Variants in CCR7 observed in about 807,000 individuals in gnomAD.
CCR7 encodes C-C motif chemokine receptor 7.
CCR7 carries 11 observed loss-of-function variants against 26.0 expected under a neutral mutation model. That is an observed-to-expected ratio of 0.42 (90% CI 0.27 to 0.70). The LOEUF (loss-of-function observed/expected upper bound fraction) is 0.70. Ranked by LOEUF, CCR7 falls within the 30% of genes least tolerant of loss-of-function variation. CCR7 has a pLI of 0.23. For missense variants in CCR7, 360 were observed against 504.0 expected (o/e 0.71, Z 2.74); for synonymous variants, 189 against 202.1 (o/e 0.94, Z 0.55).
At chr17:40,559,753 AAATACATGAATGATG>A (rs1474838195) in intron 1 of CCR7, among the ~76,000 whole-genome samples, 1 of 152,212 alleles carries the variant, frequency 6.6e-6, no homozygotes, top group Non-Finnish European at 1.5e-5. Flanking sequence ...TATGAATGAT[AAATACATGAATGATG>A]AATAAATACA....
Position 40,554,808 on chromosome 17 carries a change from G to A in CCR7, c.1071C>T (p.Ser357=), listed in dbSNP as rs778527213. 3.1e-6 allele frequency: 5 copies of A among 1,614,078 alleles called. No individual in the cohort carries two copies. In the South Asian group the frequency reaches 5.5e-5, roughly 18 times the overall value. ...TGGAGGAGCGCCGGATGTGCCGACA[G>A]GAAGACCACTGCCGGAGCTGCTCCT... ...LSQEQLRQWS[S]CRHIRRSSMS... The change falls in exon 3 of 3, where the codon TCC becomes TCT. Residue 357 remains serine, a synonymous_variant. Transcript: ENST00000246657.
At chr17:40,559,508 A>T (rs1214127302) in intron 1 of CCR7, among the ~76,000 whole-genome samples, 2 of 152,138 alleles carry the variant, frequency 1.3e-5, no homozygotes, top group Non-Finnish European at 2.9e-5. Flanking sequence ...AAGGAGGATG[A>T]CCTCACAGGC....
At chr17:40,559,909 T>C (rs902976589) in intron 1 of CCR7, among the ~76,000 whole-genome samples, 2 of 152,052 alleles carry the variant, frequency 1.3e-5, no homozygotes, top group African/African-American at 4.8e-5. Flanking sequence ...TGTCACGACT[T>C]CTTTATTTTT....
Position 40,554,423 on chromosome 17 carries a change from C to G in CCR7, c.*319G>C. Reference sequence around the variant, plus strand: ...TCCCACGCCCCTTGCACTCACCCTCCTTGGCCCCTTCACTCCAGCAGGTGG... The same window carrying G: ...TCCCACGCCCCTTGCACTCACCCTCGTTGGCCCCTTCACTCCAGCAGGTGG... On this transcript the variant is annotated 3_prime_UTR_variant, in exon 3 of 3. Coordinates refer to ENST00000246657, the MANE Select transcript of CCR7 (RefSeq NM_001838.4). 3.0e-6 allele frequency: 1 copy of G among 331,820 alleles called. No homozygotes were observed. Among genetic ancestry groups the G allele is most frequent in the Non-Finnish European group, 5.6e-6 (1 of 179,560 alleles). 20.6% of individuals were successfully genotyped at this position (331,820 alleles called of 1,614,324 possible). A position where few individuals can be genotyped will look rare whatever the true frequency, so the allele number is the denominator to read the frequency against.
chr17:40,558,112 C>T (rs1055353580), intron 2 of CCR7, among the ~76,000 whole-genome samples: 3 of 152,224 alleles, frequency 2.0e-5, no homozygotes, highest in Non-Finnish European at 2.9e-5. Context: ...GGGGATGAGC[C>T]GAATTCTGAA....
At position 40,555,273 on chromosome 17, in the gene CCR7, G is replaced by C; in HGVS notation, c.606C>G (p.Ser202Arg). The C allele has an allele frequency of 6.2e-7, 1 of 1,614,182 alleles. No individual in the cohort carries two copies. Among genetic ancestry groups the C allele is most frequent in the Non-Finnish European group, 8.5e-7 (1 of 1,180,030 alleles). Residue 202 changes from serine (S) to arginine (R), a missense_variant, in exon 3 of 3, where the codon AGC becomes AGG. Physicochemically the swap from Ser to Arg is moderately radical, Grantham distance 110 (BLOSUM62 -1). Transcript: ENST00000246657. This position sits in a 1 kb window ranked among gnomAD's most constrained non-coding sequence, Gnocchi z 5.6. ...AGCATCGCATCGCTTGCTCACTGCTGCTCCTCTGGAGGTCACTGTACAGGA... is the reference window on the plus strand; with the variant it reads ...AGCATCGCATCGCTTGCTCACTGCTCCTCCTCTGGAGGTCACTGTACAGGA... ...PELLYSDLQR[S>R]SSEQAMRCSL...
In CCR7 at chr17:40,554,852, C is replaced by G. The variant is rs774431889; in HGVS notation, c.1027G>C (p.Asp343His). 6.2e-7 allele frequency: 1 copy of G among 1,614,180 alleles called. No individual in the cohort carries two copies. Among genetic ancestry groups the G allele is most frequent in the Non-Finnish European group, 8.5e-7 (1 of 1,180,044 alleles). ...TGCTCCTGGCTGAGGCAGCCCAGGT[C>G]CTTGAAGAGCTTGAAGAGATCGTTG... ...FRNDLFKLFK[D>H]LGCLSQEQLR... Residue 343 changes from aspartate (D) to histidine (H), a missense_variant, in exon 3 of 3, where the codon GAC becomes CAC. Transcript: ENST00000246657.
chr17:40,557,314 T>C (rs2036599807), intron 2 of CCR7, among the ~76,000 whole-genome samples: 1 of 152,156 alleles, frequency 6.6e-6, no homozygotes, highest in Admixed American at 6.5e-5. Context: ...AGGACCTGCC[T>C]CACGAGGCTC....
chr17:40,561,022 T>C (rs956172982), intron 1 of CCR7: 2 of 152,246 alleles, frequency 1.3e-5, no homozygotes, highest in African/African-American at 4.8e-5. Context: ...AGGTCGAGTC[T>C]CGAGGTTTCT....
Position 40,555,266 on chromosome 17 carries a change from C to A in CCR7, c.613G>T (p.Glu205Ter). Residue 205 changes from glutamate to a stop codon, truncating the protein, a stop_gained, in exon 3 of 3, where the codon GAG becomes TAG. Transcript: ENST00000246657. LOFTEE classifies it high-confidence loss of function. The surrounding 1 kb of genome is among the most constrained non-coding windows in gnomAD (Gnocchi z 5.6). Reference protein sequence around the residue: ...LYSDLQRSSSEQAMRCSLITE... With the variant: ...LYSDLQRSSS Reference sequence around the variant, plus strand: ...ATGAGAGAGCATCGCATCGCTTGCTCACTGCTGCTCCTCTGGAGGTCACTG... The same window carrying A: ...ATGAGAGAGCATCGCATCGCTTGCTAACTGCTGCTCCTCTGGAGGTCACTG... 6.2e-7 allele frequency: 1 copy of A among 1,614,148 alleles called. No homozygotes were observed. The highest frequency in any genetic ancestry group is 1.1e-5 in the South Asian group (1 of 91,074).
rs557078450 is a variant in CCR7 at position 40,558,815 on chromosome 17, C to T, written c.60+78G>A. Reference sequence around the variant, plus strand: ...GGGTCTTGTATCTTCTAGCAAATGCCCAGCTCCTCCACTAAACCCCTGACT... The same window carrying T: ...GGGTCTTGTATCTTCTAGCAAATGCTCAGCTCCTCCACTAAACCCCTGACT... On this transcript the variant is annotated intron_variant, in intron 2 of 2. Coordinates refer to ENST00000246657, the MANE Select transcript of CCR7 (RefSeq NM_001838.4). 1.3e-4 allele frequency: 164 copies of T among 1,292,728 alleles called. 1 individual carries two copies. In the East Asian group the frequency reaches 3.4e-3, roughly 27 times the overall value. 80.1% of individuals were successfully genotyped at this position (1,292,728 alleles called of 1,614,324 possible).
Position 40,554,038 on chromosome 17 carries a change from T to G in CCR7, c.*704A>C, listed in dbSNP as rs1161255315. ...AGAGCTGAGTGCATGTCATCCCCAC[T>G]CTGGAGCCCAGAGTGTGGCTTTGAT... is the stretch of plus-strand genomic sequence containing the variant. On this transcript the variant is annotated 3_prime_UTR_variant, in exon 3 of 3. Coordinates refer to ENST00000246657, the MANE Select transcript of CCR7 (RefSeq NM_001838.4). 1 of 152,080 alleles carries G rather than the reference T, an allele frequency of 6.6e-6. No homozygotes were observed. Among genetic ancestry groups the G allele is most frequent in the Non-Finnish European group, 1.5e-5 (1 of 68,038 alleles). The allele number at this position is 152,080 out of a possible 1,614,324, so 9.4% of individuals were successfully genotyped here.
In CCR7 at chr17:40,555,810, C is replaced by T; in HGVS notation, c.69G>A (p.Leu23=). The T allele has an allele frequency of 1.2e-5, 19 of 1,610,978 alleles. No homozygotes were observed. Among genetic ancestry groups the T allele is most frequent in the Non-Finnish European group, 1.6e-5 (19 of 1,177,638 alleles). ...AATCGTCCGTGACCTCATCTTGACACAGGCATACCTTCGGGGAAGGAAATG... is the reference window on the plus strand; with the variant it reads ...AATCGTCCGTGACCTCATCTTGACATAGGCATACCTTCGGGGAAGGAAATG... ...VALLVIFQVC[L]CQDEVTDDYI... Residue 23 remains leucine (L), a synonymous_variant, in exon 3 of 3, where the codon CTG becomes CTA. Coordinates refer to ENST00000246657, the MANE Select transcript of CCR7 (RefSeq NM_001838.4). This position sits in a 1 kb window ranked among gnomAD's most constrained non-coding sequence, Gnocchi z 5.6.
At position 40,554,947 on chromosome 17, in the gene CCR7, G is replaced by A. The variant is rs2036565340; in HGVS notation, c.932C>T (p.Thr311Ile). 1 of 1,614,240 alleles carries A rather than the reference G, an allele frequency of 6.2e-7. No homozygotes were observed. The highest frequency in any genetic ancestry group is 8.5e-7 in the Non-Finnish European group (1 of 1,180,046). Residue 311 changes from threonine (T) to isoleucine (I), a missense_variant, in exon 3 of 3, where the codon ACC becomes ATC. Physicochemically the swap from Thr to Ile is moderately conservative, Grantham distance 89. Transcript: ENST00000246657. Reference sequence around the variant, plus strand: ...GCAGCGGACGCAGGCCAGGCTGTAGGTGACGTCGTAGGCGATGTTGAGTTG... The same window carrying A: ...GCAGCGGACGCAGGCCAGGCTGTAGATGACGTCGTAGGCGATGTTGAGTTG... Reference protein sequence around the residue: ...SKQLNIAYDVTYSLACVRCCV... With the variant: ...SKQLNIAYDVIYSLACVRCCV...
intron 1 of CCR7, among the ~76,000 whole-genome samples, 182 bp from the exon 2 acceptor site, chr17:40,559,124 A>G (rs1206143459): frequency 2.0e-5 from 3 of 152,188 alleles, no homozygotes; most frequent in Admixed American, 2.0e-4. Flanking sequence ...GCCCGGCATC[A>G]CTGTCCTCAC....
intron 2 of CCR7, among the ~76,000 whole-genome samples, chr17:40,557,675 G>A (rs1437784886): frequency 6.6e-6 from 1 of 152,156 alleles, no homozygotes; most frequent in African/African-American, 2.4e-5. Flanking sequence ...AGCCTTCCTG[G>A]AGGGCAGTAC....
At chr17:40,561,797 CT>C (rs1029900824) in intron 1 of CCR7, among the ~76,000 whole-genome samples, 18 of 151,218 alleles carry the variant, frequency 1.2e-4, no homozygotes, top group African/African-American at 4.1e-4. Flanking sequence ...CTCTCTCTCT[CT>C]TTTTTTTTGG....
Position 40,565,305 on chromosome 17 carries a change from C to A in CCR7, c.10+95G>T. On this transcript the variant is annotated intron_variant, in intron 1 of 2. Transcript: ENST00000246657. ...GATTTCTCCAGGAAGCACCCCTATG[C>A]GCTCCACCCGCATCCTCCACCCCCA... 3.7e-6 allele frequency: 4 copies of A among 1,087,590 alleles called. No individual in the cohort carries two copies. The South Asian group carries it at 5.0e-5, about 14-fold the overall frequency. The allele number at this position is 1,087,590 out of a possible 1,614,324, so 67.4% of individuals were successfully genotyped here. A position where few individuals can be genotyped will look rare whatever the true frequency, so the allele number is the denominator to read the frequency against.
chr17:40,562,173 G>T (rs955827595), intron 1 of CCR7, among the ~76,000 whole-genome samples: 1 of 152,158 alleles, frequency 6.6e-6, no homozygotes, highest in Non-Finnish European at 1.5e-5. Context: ...CCATCCTTCT[G>T]TGCGGCCACT....
Sources: gnomAD v4.1 joint callset for allele counts (sites outside exome capture counted in the v4.1 genomes callset) on GRCh38, gnomAD v4.1.1 for gene constraint, Gnocchi (gnomAD v3.1) non-coding constraint, MANE v1.5 for transcripts, NCBI Gene and HGNC (gene_info 2026-07-23, HGNC 2026-07-21) for gene names.